Variants in AGMO observed in about 807,000 individuals in gnomAD.
AGMO encodes the protein glyceryl-ether monooxygenase.
A neutral mutation model predicts 60.2 loss-of-function variants in AGMO; 75 were observed. The ratio of observed to expected loss-of-function variants is 1.25; its 90% confidence interval spans 1.03 to 1.51. The LOEUF (loss-of-function observed/expected upper bound fraction) is 1.51. Among genes scored for constraint, AGMO ranks in the 40% most tolerant of loss-of-function variants. AGMO has a pLI of 0.00. For synonymous variants in AGMO, 261 were observed against 177.1 expected, an observed-to-expected ratio of 1.47 and a Z score of -3.76; for missense variants, 763 against 525.5, an observed-to-expected ratio of 1.45 and a Z score of -4.42.
the AGMO span, among the ~76,000 whole-genome samples, chr7:15,168,716 T>G: frequency 1.3e-5 from 2 of 152,232 alleles, no homozygotes; most frequent in African/African-American, 4.8e-5. Context: ...AAAGGAAGTA[T>G]GCACGCTCTG....
the AGMO span, among the ~76,000 whole-genome samples, chr7:15,130,890 C>G: frequency 2.0e-5 from 3 of 152,034 alleles, no homozygotes; most frequent in African/African-American, 4.8e-5. Flanking sequence ...CTTGAGCATT[C>G]CATCTGCTCT....
At chr7:15,132,186 G>A in the AGMO span, among the ~76,000 whole-genome samples, 15 of 152,060 alleles carry the variant, frequency 9.9e-5, no homozygotes, top group African/African-American at 3.4e-4. Flanking sequence ...TCTGGTGTTC[G>A]CTGATATTAG....
chr7:15,232,124 G>T (rs919750450), intron 12 of AGMO, among the ~76,000 whole-genome samples: 2 of 151,792 alleles, frequency 1.3e-5, no homozygotes, highest in African/African-American at 4.8e-5. Context: ...TTTTCTTCTC[G>T]TTTCCTCAAC....
intron 3 of AGMO, among the ~76,000 whole-genome samples, chr7:15,539,364 T>C (rs942439952): frequency 6.6e-6 from 1 of 152,156 alleles, no homozygotes; most frequent in African/African-American, 2.4e-5. Flanking sequence ...TCTCGTTGTA[T>C]AGCTCCCACT....
the AGMO span, among the ~76,000 whole-genome samples, chr7:15,129,250 G>C: frequency 7.1e-6 from 1 of 141,206 alleles, no homozygotes; most frequent in South Asian, 2.3e-4. Context: ...GTTGCTACAG[G>C]GTTGTAGGTT....
At chr7:15,229,100 C>T (rs544173009) in intron 12 of AGMO, among the ~76,000 whole-genome samples, 1 of 152,186 alleles carries the variant, frequency 6.6e-6, no homozygotes, top group African/African-American at 2.4e-5. Flanking sequence ...AGGTAATGCT[C>T]CCTGCCTCCA....
At chr7:15,475,388 G>T (rs2128514702) in intron 3 of AGMO, among the ~76,000 whole-genome samples, 1 of 152,184 alleles carries the variant, frequency 6.6e-6, no homozygotes, top group Non-Finnish European at 1.5e-5. Flanking sequence ...CATGTTCTTT[G>T]CAGGGACAGG....
At chr7:15,515,504 C>T (rs1020451836) in intron 3 of AGMO, among the ~76,000 whole-genome samples, 2 of 152,132 alleles carry the variant, frequency 1.3e-5, no homozygotes, top group African/African-American at 2.4e-5. Context: ...TTGTCATTCC[C>T]GTGGATGTAC....
chr7:15,199,759 T>C (rs796224981), downstream of AGMO, among the ~76,000 whole-genome samples: 1 of 152,214 alleles, frequency 6.6e-6, no homozygotes, highest in Non-Finnish European at 1.5e-5. Flanking sequence ...ATATATGTTA[T>C]AGGCTTACGT....
At chr7:15,381,266 T>A (rs1044561128) in intron 10 of AGMO, among the ~76,000 whole-genome samples, 20 of 152,240 alleles carry the variant, frequency 1.3e-4, no homozygotes, top group African/African-American at 4.8e-4. Flanking sequence ...GAGAAAAGTT[T>A]TGCAAACTAT....
chr7:15,395,231 T>G (rs2128487193), intron 5 of AGMO, among the ~76,000 whole-genome samples: 1 of 152,270 alleles, frequency 6.6e-6, no homozygotes, highest in Middle Eastern at 3.4e-3. Context: ...ATATGAGGAA[T>G]AAAGAAATGA....
intron 3 of AGMO, among the ~76,000 whole-genome samples, chr7:15,463,215 G>T (rs1782190117): frequency 6.6e-6 from 1 of 152,058 alleles, no homozygotes; most frequent in African/African-American, 2.4e-5. Flanking sequence ...GCAAACAGAG[G>T]CTTTTCTGTT....
At chr7:15,328,372 C>T (rs1781408066) in intron 12 of AGMO, among the ~76,000 whole-genome samples, 1 of 152,314 alleles carries the variant, frequency 6.6e-6, no homozygotes, top group Admixed American at 6.5e-5. Flanking sequence ...GCTGGGATTA[C>T]AGGCGTGAGC....
the AGMO span, among the ~76,000 whole-genome samples, chr7:15,190,344 G>C: frequency 6.6e-6 from 1 of 150,944 alleles, no homozygotes; most frequent in African/African-American, 2.4e-5. Context: ...TAAAAGGAAG[G>C]CCAAAGAAGC....
chr7:15,244,842 C>T (rs571963521), intron 12 of AGMO, among the ~76,000 whole-genome samples: 1 of 152,178 alleles, frequency 6.6e-6, no homozygotes, highest in East Asian at 1.9e-4. Context: ...TTAGTAGAGA[C>T]AGCGTTTCAC....
intron 3 of AGMO, 127 bp from the exon 4 acceptor site, chr7:15,431,235 T>A: frequency 1.6e-6 from 1 of 627,336 alleles, no homozygotes; most frequent in Non-Finnish European, 2.8e-6. Context: ...AGCTGGCCAA[T>A]ATAATTATAA....
chr7:15,493,247 G>C (rs1449277100), intron 3 of AGMO, among the ~76,000 whole-genome samples: 3 of 146,476 alleles, frequency 2.0e-5, no homozygotes, highest in African/African-American at 7.6e-5. Flanking sequence ...TTTTTTTTGC[G>C]TTTTGTCCAT....
rs988668282 is a variant in AGMO, at chr7:15,345,824, G to T, written c.1263+19690C>A. ...AAAGCCAGGACCTCAATTTGTATGA[G>T]TCCTGACCCTCTATTCCTCATTACT... On this transcript the variant is annotated intron_variant, in intron 12 of 12. Coordinates refer to ENST00000342526, the MANE Select transcript of AGMO (RefSeq NM_001004320.2). Among the ~76,000 whole-genome samples, 3 of 152,168 alleles carry T rather than the reference G, an allele frequency of 2.0e-5. No individual in the cohort carries two copies. In the South Asian group the frequency reaches 6.2e-4, roughly 32 times the overall value.
At chr7:15,224,356 A>C (rs1410825300) in intron 12 of AGMO, among the ~76,000 whole-genome samples, 1 of 151,928 alleles carries the variant, frequency 6.6e-6, no homozygotes, top group Non-Finnish European at 1.5e-5. Flanking sequence ...TGAGGGTAGA[A>C]AGCTCGTGAA....
Sources: gnomAD v4.1 joint callset for allele counts (sites outside exome capture counted in the v4.1 genomes callset) on GRCh38, gnomAD v4.1.1 for gene constraint, MANE v1.5 for transcripts, NCBI Gene and HGNC (gene_info 2026-07-23, HGNC 2026-07-21) for gene names.